The following UNC80 variants were observed in gnomAD, a reference collection of about 807,000 sequenced individuals.
UNC80 encodes the protein unc-80 subunit of NALCN channel complex.
Under a neutral mutation model 384.6 loss-of-function variants are expected in UNC80, and 164 were observed. That is an observed-to-expected ratio of 0.43 (90% CI 0.38 to 0.49). The LOEUF (loss-of-function observed/expected upper bound fraction) is 0.49, where lower values mean the gene tolerates loss of function less well. Among genes scored for constraint, UNC80 ranks in the 20% least tolerant of loss-of-function variants. The probability of loss-of-function intolerance (pLI) is 0.00; values close to 1 mark genes in which losing one functional copy is unlikely to be tolerated. For synonymous variants in UNC80, 1,486 were observed against 1,527.8 expected (o/e 0.97, Z 0.64); for missense variants, 3,330 against 4,143.0 (o/e 0.80, Z 5.39).
intron 43 of UNC80, 26 bp from the exon 44 acceptor site, chr2:209,941,195 G>A (rs2091608236): frequency 2.7e-6 from 4 of 1,482,580 alleles, no homozygotes; most frequent in South Asian, 1.4e-5. Context: ...GGCTAATTCT[G>A]TCTCTGCTGT....
At chr2:209,984,453 G>T (rs1443914919) in intron 60 of UNC80, among the ~76,000 whole-genome samples, 1 of 152,146 alleles carries the variant, frequency 6.6e-6, no homozygotes, top group Non-Finnish European at 1.5e-5. Context: ...CAGGGTCCTG[G>T]TCAATGAAAC....
intron 46 of UNC80, 101 bp downstream of exon 46, chr2:209,945,290 A>G: frequency 8.4e-7 from 1 of 1,185,306 alleles, no homozygotes; most frequent in Non-Finnish European, 1.1e-6. Flanking sequence ...ATGTGTGTGT[A>G]TATATAACTA....
chr2:209,794,012 T>C (rs2078001633), intron 7 of UNC80, among the ~76,000 whole-genome samples, 153 bp downstream of exon 7: 1 of 152,220 alleles, frequency 6.6e-6, no homozygotes, highest in Non-Finnish European at 1.5e-5. Context: ...TTAATAATTG[T>C]AGAAATATGC....
intron 21 of UNC80, among the ~76,000 whole-genome samples, chr2:209,844,094 C>T (rs757385529): frequency 8.6e-5 from 13 of 151,944 alleles, no homozygotes; most frequent in Non-Finnish European, 4.4e-5. Context: ...CATTTTCAAT[C>T]CTTTTACACT....
intron 7 of UNC80, among the ~76,000 whole-genome samples, chr2:209,800,645 T>A (rs1342739648): frequency 6.6e-6 from 1 of 152,160 alleles, no homozygotes; most frequent in Non-Finnish European, 1.5e-5. Context: ...TTAATTGTGA[T>A]GTTAGCAGGT....
intron 22 of UNC80, among the ~76,000 whole-genome samples, chr2:209,866,778 C>T (rs545275598): frequency 2.6e-5 from 4 of 152,102 alleles, no homozygotes; most frequent in East Asian, 1.9e-4. Context: ...ATCATACTTT[C>T]GATACTCACA....
intron 42 of UNC80, 75 bp downstream of exon 42, chr2:209,937,705 C>CT (rs2091346319): frequency 1.4e-5 from 17 of 1,176,670 alleles, no homozygotes; most frequent in Non-Finnish European, 2.0e-5. Flanking sequence ...ACTTTGCCAA[C>CT]TTTGAGATTT....
intron 5 of UNC80, among the ~76,000 whole-genome samples, chr2:209,788,762 ATAAAG>A (rs1039974511): frequency 4.1e-4 from 62 of 151,912 alleles, no homozygotes; most frequent in African/African-American, 6.7e-4. Context: ...TAAAAAGTTT[ATAAAG>A]TAAAGTTATA....
intron 22 of UNC80, among the ~76,000 whole-genome samples, chr2:209,854,157 G>T (rs931871924): frequency 7.2e-5 from 11 of 151,932 alleles, no homozygotes; most frequent in Admixed American, 1.3e-4. Flanking sequence ...ATGCAAATTA[G>T]GTCCTTTCAA....
intron 7 of UNC80, among the ~76,000 whole-genome samples, chr2:209,808,565 A>G (rs1254113296): frequency 6.7e-6 from 1 of 150,124 alleles, no homozygotes; most frequent in Non-Finnish European, 1.5e-5. Context: ...CCAGGCTGCT[A>G]CTGCGCGAGC....
chr2:209,957,714 A>G lies in UNC80; in HGVS notation c.7528A>G (p.Met2510Val), dbSNP rs374186917. The change falls in exon 49 of 65, where the codon ATG (methionine) becomes GTG (valine). Residue 2510 changes from methionine to valine, a missense_variant. By Grantham distance (21) the Met-to-Val change is conservative. Coordinates refer to ENST00000673920, the MANE Select transcript of UNC80 (RefSeq NM_001371986.1). ...HKGTTTANHT[M>V]SSGVNTRYQE... is the part of the protein sequence containing the mutation. Reference sequence around the variant, plus strand: ...GGGAACCACCACAGCCAATCACACCATGTCGTCTGGGGTGAACACCAGGTA... The same window carrying G: ...GGGAACCACCACAGCCAATCACACCGTGTCGTCTGGGGTGAACACCAGGTA... 2 of 1,551,404 alleles carry G rather than the reference A, an allele frequency of 1.3e-6. No individual in the cohort carries two copies. Among genetic ancestry groups the G allele is most frequent in the African/African-American group, 2.7e-5 (2 of 73,026 alleles).
At chr2:209,863,773 A>G (rs368907845) in intron 22 of UNC80, among the ~76,000 whole-genome samples, 1 of 151,662 alleles carries the variant, frequency 6.6e-6, no homozygotes, top group East Asian at 1.9e-4. Flanking sequence ...TTTTCATTCC[A>G]TTATAACATG....
chr2:209,918,020 C>A (rs189099103), intron 32 of UNC80, 62 bp downstream of exon 32: 14 of 1,478,620 alleles, frequency 9.5e-6, no homozygotes, highest in Non-Finnish European at 1.2e-5. Context: ...TTGTTTAAAC[C>A]GTTGAACCTC....
At chr2:209,936,760 CA>C (rs1406883260) in intron 40 of UNC80, 83 bp from the exon 41 acceptor site, 1 of 932,302 alleles carries the variant, frequency 1.1e-6, no homozygotes, top group East Asian at 2.6e-5. Context: ...CTTGTTTTTT[CA>C]AAATTTGTAT....
At position 209,831,697 on chromosome 2, in the gene UNC80, A is replaced by G. The variant is rs189649965; in HGVS notation, c.2775+106A>G. ...GAGAAGCTGAAATCTAAAAGTCTAC[A>G]CTTTAAAGTTTAAATATCTATTTTC... On this transcript the variant is annotated intron_variant, in intron 16 of 64. Transcript: ENST00000673920. The G allele has an allele frequency of 8.4e-5, 107 of 1,268,542 alleles. No homozygotes were observed. The African/African-American group carries it at 1.5e-3, about 18-fold the overall frequency. The allele number at this position is 1,268,542 out of a possible 1,614,324, so 78.6% of individuals were successfully genotyped here. A position where few individuals can be genotyped will look rare whatever the true frequency, so the allele number is the denominator to read the frequency against.
intron 47 of UNC80, 112 bp from the exon 48 acceptor site, chr2:209,953,988 T>C: frequency 8.0e-7 from 1 of 1,249,388 alleles, no homozygotes; most frequent in Non-Finnish European, 1.1e-6. Context: ...GCAAGGGGCC[T>C]TAGAATTCAT....
chr2:209,821,247 G>A (rs2080112857), intron 13 of UNC80, among the ~76,000 whole-genome samples: 1 of 152,028 alleles, frequency 6.6e-6, no homozygotes, highest in East Asian at 1.9e-4. Context: ...AAGAGAGAGA[G>A]CAAAAGAGCT....
chr2:209,819,927 T>G (rs1449178040), intron 12 of UNC80, among the ~76,000 whole-genome samples: 2 of 152,202 alleles, frequency 1.3e-5, no homozygotes, highest in Admixed American at 6.5e-5. Context: ...TTATTAGTAA[T>G]GAATGAAAGA....
Position 209,996,287 on chromosome 2 carries a change from A to G in UNC80, c.*692A>G, listed in dbSNP as rs1010799253. The G allele has an allele frequency of 1.3e-5, 2 of 152,232 alleles. No individual in the cohort carries two copies. Among genetic ancestry groups the G allele is most frequent in the African/African-American group, 2.4e-5 (1 of 41,464 alleles). 9.4% of individuals were successfully genotyped at this position (152,232 alleles called of 1,614,324 possible). ...ATTTCATAATCTATCACATTAGAATATTACAGAATATTCTAGAAATCATCA... is the reference window on the plus strand; with the variant it reads ...ATTTCATAATCTATCACATTAGAATGTTACAGAATATTCTAGAAATCATCA... On this transcript the variant is annotated 3_prime_UTR_variant, in exon 65 of 65. Transcript: ENST00000673920.
Sources: gnomAD v4.1 joint callset for allele counts (sites outside exome capture counted in the v4.1 genomes callset) on GRCh38, gnomAD v4.1.1 for gene constraint, MANE v1.5 for transcripts, NCBI Gene and HGNC (gene_info 2026-07-23, HGNC 2026-07-21) for gene names.